PITRM1: variants seen among roughly 807,000 people sequenced by gnomAD.
PITRM1 encodes the protein pitrilysin metallopeptidase 1.
In PITRM1, 100 loss-of-function variants were observed where a neutral mutation model predicts 129.9. That is an observed-to-expected ratio of 0.77 (90% confidence interval 0.65 to 0.91). The LOEUF is 0.91. Ranked by LOEUF, PITRM1 falls within the 40% of genes least tolerant of loss-of-function variation. PITRM1 has a pLI of 0.00. For missense variants in PITRM1, 1,471 were observed against 1,318.3 expected (o/e 1.12, Z -1.79); for synonymous variants, 591 against 508.8 (o/e 1.16, Z -2.17).
intron 10 of PITRM1, 39 bp from the exon 11 acceptor site, chr10:3,158,192 G>A (rs778477426): frequency 8.4e-7 from 1 of 1,191,386 alleles, no homozygotes; most frequent in South Asian, 1.2e-5. Context: ...TGGAATCCGG[G>A]CACGTTCATC....
chr10:3,143,571 A>C lies in PITRM1; in HGVS notation c.2533-70T>G, dbSNP rs1840498119. 5 of 1,066,384 alleles carry C rather than the reference A, an allele frequency of 4.7e-6. No individual in the cohort carries two copies. In the South Asian group the frequency reaches 6.4e-5, roughly 14 times the overall value. The allele number at this position is 1,066,384 out of a possible 1,614,324, so 66.1% of individuals were successfully genotyped here. A position where few individuals can be genotyped will look rare whatever the true frequency, so the allele number is the denominator to read the frequency against. ...CGCCCACGGCACTGGGACTGGACCC[A>C]CTCAGGGGTCAGAGGCGGCTGTGCT... On this transcript the variant is annotated intron_variant, in intron 22 of 26. Transcript: ENST00000224949.
intron 1 of PITRM1, among the ~76,000 whole-genome samples, chr10:3,171,934 ATATT>A (rs779200188): frequency 1.3e-5 from 2 of 152,232 alleles, no homozygotes; most frequent in Non-Finnish European, 2.9e-5. Context: ...TCCCACCGAA[ATATT>A]TATTTTAAAG....
rs34854792 is a variant in PITRM1 at position 3,158,986 on chromosome 10, G to A, written c.1064C>T (p.Ser355Phe). Residue 355 changes from serine to phenylalanine, a missense_variant, in exon 10 of 27, where the codon TCT becomes TTT. Coordinates refer to ENST00000224949, the MANE Select transcript of PITRM1 (RefSeq NM_014889.4). The part of the protein sequence containing the change: ...TLSLLSSLLT[S>F]GPNSPFYKAL... ...TTTGTAAAAGGGAGAATTGGGCCCA[G>A]AAGTCAAGAGTGAAGACAGAAGACT... The A allele has an allele frequency of 5.0e-6, 8 of 1,613,426 alleles. No homozygotes were observed. The highest frequency in any genetic ancestry group is 1.7e-5 in the Admixed American group (1 of 59,984).
chr10:3,140,913 A>G (rs983937347), intron 23 of PITRM1, 101 bp from the exon 24 acceptor site: 1 of 1,051,494 alleles, frequency 9.5e-7, no homozygotes, highest in African/African-American at 1.6e-5. Flanking sequence ...CGAGTTGTAA[A>G]ATAATGCTGC....
intron 14 of PITRM1, among the ~76,000 whole-genome samples, chr10:3,152,338 C>T (rs1207369753): frequency 6.6e-6 from 1 of 152,198 alleles, no homozygotes; most frequent in African/African-American, 2.4e-5. Flanking sequence ...CCACGACTCC[C>T]GGGGAGGGCT....
intron 14 of PITRM1, 133 bp downstream of exon 14, chr10:3,155,458 C>T (rs1432556849): frequency 4.7e-6 from 5 of 1,072,532 alleles, no homozygotes; most frequent in Admixed American, 2.2e-5. Flanking sequence ...ATGCATCGAA[C>T]GTGAGCTCTG....
At position 3,172,737 on chromosome 10, in the gene PITRM1, C is replaced by T. The variant is rs769060443; in HGVS notation, c.36G>A (p.Val12=). The T allele has an allele frequency of 2.5e-5, 39 of 1,545,494 alleles. No homozygotes were observed. The highest frequency in any genetic ancestry group is 1.5e-4 in the African/African-American group (11 of 72,678). ...WRCGGRQGLC[V]LRRLSGGHAH... ...CTCACCCGCCGCTCAGCCGCCTCAG[C>T]ACACACAGGCCCTGCCGCCCGCCGC... The change falls in exon 1 of 27, where the codon GTG becomes GTA. Residue 12 remains valine, a synonymous_variant. Transcript: ENST00000224949.
intron 14 of PITRM1, among the ~76,000 whole-genome samples, chr10:3,152,196 C>A (rs1841582079): frequency 6.6e-6 from 1 of 152,248 alleles, no homozygotes; most frequent in Non-Finnish European, 1.5e-5. Context: ...ACCTTCACAG[C>A]AGACTCCTCC....
intron 2 of PITRM1, among the ~76,000 whole-genome samples, chr10:3,169,745 T>C (rs1843183966): frequency 6.6e-6 from 1 of 152,200 alleles, no homozygotes; most frequent in Non-Finnish European, 1.5e-5. Flanking sequence ...GCAAGCTATT[T>C]GATGGCAAAA....
At chr10:3,157,322 T>TAC in intron 12 of PITRM1, 113 bp downstream of exon 12, 1 of 673,638 alleles carries the variant, frequency 1.5e-6, no homozygotes, top group Non-Finnish European at 2.4e-6. Context: ...TATAAACCCT[T>TAC]ACCCATTTAA....
chr10:3,138,537 T>C (rs7908746), intron 25 of PITRM1, 200 bp from the exon 26 acceptor site: 84,195 of 610,998 alleles, frequency 0.14, 6,281 homozygotes, highest in African/African-American at 0.2. Context: ...TACCCACGCC[T>C]GCTTCTGCAG....
chr10:3,147,194 C>T lies in PITRM1; in HGVS notation c.2292G>A (p.Lys764=). 2.5e-6 allele frequency: 4 copies of T among 1,611,256 alleles called. No homozygotes were observed. The highest frequency in any genetic ancestry group is 3.4e-6 in the Non-Finnish European group (4 of 1,177,464). Residue 764 remains lysine (K), a synonymous_variant, in exon 20 of 27, where the codon AAG becomes AAA. Transcript: ENST00000224949. ...ACAAGTGTTTCTTGATACGCGGGAG[C>T]TTCCTCAGGATGGGTTTGATATCTG... ...EMTDIKPILR[K]LPRIKKHLLN... is the part of the protein sequence containing the mutation.
chr10:3,160,803 C>T (rs1208501722), intron 7 of PITRM1, among the ~76,000 whole-genome samples: 1 of 151,568 alleles, frequency 6.6e-6, no homozygotes, highest in Non-Finnish European at 1.5e-5. Context: ...CCCGTCCCCC[C>T]AGGCTGGAGT....
At chr10:3,157,668 C>G (rs1011117101) in intron 11 of PITRM1, 137 bp from the exon 12 acceptor site, 30 of 612,238 alleles carry the variant, frequency 4.9e-5, no homozygotes, top group Non-Finnish European at 8.6e-5. Flanking sequence ...ACAGAGAAAG[C>G]CCATCTCTAC....
At chr10:3,150,915 G>A (rs1841455183) in intron 15 of PITRM1, among the ~76,000 whole-genome samples, 1 of 152,116 alleles carries the variant, frequency 6.6e-6, no homozygotes, top group East Asian at 1.9e-4. Context: ...AAAGGGCTCT[G>A]AGGACGCCTC....
At chr10:3,157,188 A>G in intron 12 of PITRM1, 124 bp from the exon 13 acceptor site, 3 of 934,534 alleles carry the variant, frequency 3.2e-6, no homozygotes, top group Non-Finnish European at 4.6e-6. Context: ...GATTGTTTAT[A>G]ACAAAAGTCA....
intron 24 of PITRM1, among the ~76,000 whole-genome samples, chr10:3,139,360 G>A (rs1031950263): frequency 6.6e-6 from 1 of 152,192 alleles, no homozygotes; most frequent in Non-Finnish European, 1.5e-5. Context: ...GTAGGGGCAG[G>A]TCAGGATTAC....
chr10:3,148,485 C>A, intron 16 of PITRM1, 194 bp from the exon 17 acceptor site: 2 of 599,306 alleles, frequency 3.3e-6, no homozygotes, highest in Non-Finnish European at 5.5e-6. Context: ...CCCCCTTCCC[C>A]AGGGAGACCC....
Position 3,143,383 on chromosome 10 carries a change from T to TCC in PITRM1, c.2645+4_2645+5dup. On this transcript the variant is annotated splice_donor_region_variant and intron_variant, in intron 23 of 26. Transcript: ENST00000224949. Reference sequence around the variant, plus strand: ...GCCTGAGAGGTCCCGACCTACACCCTCCTACCTGGCATGATCTGGGTCCGT... The same window carrying TCC: ...GCCTGAGAGGTCCCGACCTACACCCTCCCCTACCTGGCATGATCTGGGTCCGT... 1 of 1,577,868 alleles carries TCC rather than the reference T, an allele frequency of 6.3e-7. No homozygotes were observed. Among genetic ancestry groups the TCC allele is most frequent in the South Asian group, 1.1e-5 (1 of 90,398 alleles).
Sources: allele counts gnomAD v4.1 joint callset (sites outside exome capture counted in the v4.1 genomes callset), GRCh38; gene constraint gnomAD v4.1.1; transcripts MANE v1.5; gene names NCBI Gene and HGNC (gene_info 2026-07-23, HGNC 2026-07-21).